CNTN5: variants seen among roughly 807,000 people sequenced by gnomAD.
The protein encoded by CNTN5 is contactin 5, also known as contactin-5.
A neutral mutation model predicts 129.1 loss-of-function variants in CNTN5; 77 were observed. That is an observed-to-expected ratio of 0.60 (90% CI 0.50 to 0.72). The LOEUF (loss-of-function observed/expected upper bound fraction) is 0.72, where lower values mean the gene tolerates loss of function less well. CNTN5 is among the 30% of genes least tolerant of loss of function. The pLI is 0.00. For synonymous variants in CNTN5, 509 were observed against 465.6 expected (o/e 1.09, Z -1.20); for missense variants, 1,478 against 1,328.8 (o/e 1.11, Z -1.75).
At position 99,059,556 on chromosome 11, in the gene CNTN5, C is replaced by T. The variant is rs572183663; in HGVS notation, c.-210+38286C>T. On this transcript the variant is annotated intron_variant, in intron 1 of 24. Transcript: ENST00000524871. ...CTTCTCTGAAAACATTTGTAGAGCCCTTTCATCCCATTCAGAATTATCCTG... is the reference window on the plus strand; with the variant it reads ...CTTCTCTGAAAACATTTGTAGAGCCTTTTCATCCCATTCAGAATTATCCTG... Among the ~76,000 whole-genome samples the T allele has an allele frequency of 2.0e-5, 3 of 151,712 alleles. No individual in the cohort carries two copies. The East Asian group carries it at 5.8e-4, about 29-fold the overall frequency.
At chr11:99,205,168 CAAACAA>C (rs1251624192) in intron 1 of CNTN5, among the ~76,000 whole-genome samples, 1 of 105,070 alleles carries the variant, frequency 9.5e-6, no homozygotes, top group African/African-American at 4.0e-5. Flanking sequence ...AATAAGCAAA[CAAACAA>C]ACAAAAAAAA....
chr11:100,261,134 G>A (rs1040362337), intron 17 of CNTN5, among the ~76,000 whole-genome samples: 2 of 152,132 alleles, frequency 1.3e-5, no homozygotes, highest in African/African-American at 2.4e-5. Flanking sequence ...AAAATTACAA[G>A]CATTCATATA....
At position 99,400,533 on chromosome 11, in the gene CNTN5, A is replaced by G. The variant is rs546911914; in HGVS notation, c.-71+75049A>G. 3.3e-5 allele frequency among the ~76,000 whole-genome samples: 5 copies of G among 152,260 alleles called. 1 individual carries two copies. In the South Asian group the frequency reaches 1.0e-3, roughly 31 times the overall value. ...GATGGCGATTGTGAACAGAGCTGCAACAAACATGGGAGTGCAGATATCTCT... is the reference window on the plus strand; with the variant it reads ...GATGGCGATTGTGAACAGAGCTGCAGCAAACATGGGAGTGCAGATATCTCT... On this transcript the variant is annotated intron_variant, in intron 2 of 24. Transcript: ENST00000524871.
chr11:100,160,955 A>G (rs750104172), intron 13 of CNTN5, among the ~76,000 whole-genome samples: 1 of 151,894 alleles, frequency 6.6e-6, no homozygotes, highest in Non-Finnish European at 1.5e-5. Context: ...CATTATAGGG[A>G]TCCAGATCAG....
intron 3 of CNTN5, among the ~76,000 whole-genome samples, chr11:99,765,628 G>C (rs1233805429): frequency 6.7e-6 from 1 of 150,276 alleles, no homozygotes; most frequent in African/African-American, 2.4e-5. Flanking sequence ...TAACTTTTTA[G>C]CCTTTCAGAT....
intron 8 of CNTN5, among the ~76,000 whole-genome samples, chr11:99,962,081 CTAAGA>C: frequency 6.6e-6 from 1 of 151,836 alleles, no homozygotes; most frequent in Non-Finnish European, 1.5e-5. Context: ...AAAATTCATA[CTAAGA>C]TAATATGAAA....
At chr11:100,351,592 G>T (rs1040701585) in intron 24 of CNTN5, among the ~76,000 whole-genome samples, 1 of 138,902 alleles carries the variant, frequency 7.2e-6, no homozygotes, top group African/African-American at 2.7e-5. Context: ...ATAAGCAAGG[G>T]AAAACTGATT....
At chr11:99,049,115 G>A (rs1242064215) in intron 1 of CNTN5, among the ~76,000 whole-genome samples, 4 of 152,032 alleles carry the variant, frequency 2.6e-5, no homozygotes, top group Admixed American at 2.6e-4. Context: ...TAATACTGGA[G>A]CCAAATCACC....
intron 9 of CNTN5, among the ~76,000 whole-genome samples, chr11:100,047,999 C>T (rs535443607): frequency 2.0e-5 from 3 of 152,118 alleles, no homozygotes; most frequent in African/African-American, 4.8e-5. Flanking sequence ...AGCGTGGTGG[C>T]GGGCACCTGT....
intron 2 of CNTN5, among the ~76,000 whole-genome samples, chr11:99,343,712 A>T (rs1866626486): frequency 1.3e-5 from 2 of 152,210 alleles, no homozygotes; most frequent in African/African-American, 4.8e-5. Flanking sequence ...TATATTCTTA[A>T]AATGAAAAAC....
At chr11:100,324,690 T>C (rs1243636932) in intron 21 of CNTN5, among the ~76,000 whole-genome samples, 2 of 152,182 alleles carry the variant, frequency 1.3e-5, no homozygotes, top group Non-Finnish European at 2.9e-5. Context: ...ATTATATTTA[T>C]AGCTAATCTT....
At chr11:100,027,586 T>G (rs1292961141) in intron 9 of CNTN5, among the ~76,000 whole-genome samples, 1 of 152,218 alleles carries the variant, frequency 6.6e-6, no homozygotes, top group Non-Finnish European at 1.5e-5. Context: ...GATGCACTAG[T>G]CATTACTGAA....
At chr11:99,271,981 A>G (rs1326608539) in intron 1 of CNTN5, among the ~76,000 whole-genome samples, 2 of 151,938 alleles carry the variant, frequency 1.3e-5, no homozygotes, top group Admixed American at 6.6e-5. Context: ...ATTAGTCTCC[A>G]CTGGTAGGTG....
chr11:100,008,523 C>T (rs1042349501), intron 9 of CNTN5, among the ~76,000 whole-genome samples: 3 of 152,078 alleles, frequency 2.0e-5, no homozygotes, highest in African/African-American at 7.2e-5. Flanking sequence ...CAACTATGTT[C>T]TAGGGACTGT....
rs548748341 is a variant in CNTN5, at chr11:99,968,248, C to T, written c.877+11239C>T. Among the ~76,000 whole-genome samples the T allele has an allele frequency of 3.3e-4, 50 of 152,184 alleles. 1 individual carries two copies. In the South Asian group the frequency reaches 0.01, roughly 32 times the overall value. On this transcript the variant is annotated intron_variant, in intron 8 of 24. Coordinates refer to ENST00000524871, the MANE Select transcript of CNTN5 (RefSeq NM_014361.4). ...AGTGAGTGGAAATAGATTGAGAATG[C>T]GTGTTGAAAGATTACTGTTTATTAG...
chr11:99,518,521 C>T (rs547554493), intron 2 of CNTN5, among the ~76,000 whole-genome samples: 1 of 152,076 alleles, frequency 6.6e-6, no homozygotes, highest in African/African-American at 2.4e-5. Context: ...GCAGTCACAA[C>T]AATTTGAGAA....
At chr11:99,367,731 G>A (rs1939541614) in intron 2 of CNTN5, among the ~76,000 whole-genome samples, 1 of 152,040 alleles carries the variant, frequency 6.6e-6, no homozygotes, top group African/African-American at 2.4e-5. Flanking sequence ...GAAAGAGGGA[G>A]GTAGGATGGG....
intron 6 of CNTN5, among the ~76,000 whole-genome samples, chr11:99,876,285 C>G (rs1948630998): frequency 6.6e-6 from 1 of 152,162 alleles, no homozygotes; most frequent in East Asian, 1.9e-4. Context: ...TAATCTGTTA[C>G]TGCTAACCTC....
intron 2 of CNTN5, among the ~76,000 whole-genome samples, chr11:99,430,392 C>T (rs1591042883): frequency 1.0e-5 from 1 of 97,372 alleles, no homozygotes; most frequent in African/African-American, 3.2e-5. Flanking sequence ...TGTGTATATA[C>T]ATATACATAT....
Sources: allele counts gnomAD v4.1 joint callset (sites outside exome capture counted in the v4.1 genomes callset), GRCh38; gene constraint gnomAD v4.1.1; transcripts MANE v1.5; gene names NCBI Gene and HGNC (gene_info 2026-07-23, HGNC 2026-07-21).